Variants in DTNA observed in about 807,000 individuals in gnomAD.
The protein encoded by DTNA is dystrophin-related protein 3.
A neutral mutation model predicts 100.7 loss-of-function variants in DTNA; 43 were observed. That is an observed-to-expected ratio of 0.43 (90% CI 0.33 to 0.55). The LOEUF is 0.55. Among genes scored for constraint, DTNA ranks in the 20% least tolerant of loss-of-function variants. DTNA has a pLI of 0.04. For missense variants in DTNA, 798 were observed against 953.9 expected, an observed-to-expected ratio of 0.84 and a Z score of 2.15; for synonymous variants, 349 against 347.9, an observed-to-expected ratio of 1.00 and a Z score of -0.04.
At chr18:34,662,521 A>C (rs991925554) in intron 1 of DTNA, among the ~76,000 whole-genome samples, 1 of 152,170 alleles carries the variant, frequency 6.6e-6, no homozygotes, top group Admixed American at 6.5e-5. Context: ...CAAAATTGAC[A>C]TGTGAGGGAC....
chr18:34,733,728 A>G (rs2088871783), intron 1 of DTNA, among the ~76,000 whole-genome samples: 1 of 152,188 alleles, frequency 6.6e-6, no homozygotes, highest in South Asian at 2.1e-4. Flanking sequence ...GAGTAGGTCT[A>G]AAGTGACTAA....
At chr18:34,659,803 G>T (rs1012024346) in intron 1 of DTNA, among the ~76,000 whole-genome samples, 1 of 152,208 alleles carries the variant, frequency 6.6e-6, no homozygotes, top group African/African-American at 2.4e-5. Flanking sequence ...ATTTAGTGCT[G>T]TCAGAGCTGC....
intron 5 of DTNA, among the ~76,000 whole-genome samples, chr18:34,809,903 GC>G (rs1310466612): frequency 2.6e-5 from 4 of 152,192 alleles, no homozygotes; most frequent in Non-Finnish European, 5.9e-5. Flanking sequence ...ATTCCAGGGA[GC>G]ATCATTGACA....
At chr18:34,514,920 A>G (rs1488292273) in intron 1 of DTNA, among the ~76,000 whole-genome samples, 1 of 152,074 alleles carries the variant, frequency 6.6e-6, no homozygotes, top group Non-Finnish European at 1.5e-5. Context: ...AGACATTCAG[A>G]CCATAGCAAG....
At chr18:34,556,241 T>C (rs1227051307) in intron 1 of DTNA, among the ~76,000 whole-genome samples, 1 of 151,924 alleles carries the variant, frequency 6.6e-6, no homozygotes, top group Admixed American at 6.6e-5. Flanking sequence ...TCCTCCATCC[T>C]TTTATTTTGA....
At chr18:34,581,836 A>G (rs1332669931) in intron 1 of DTNA, among the ~76,000 whole-genome samples, 1 of 151,854 alleles carries the variant, frequency 6.6e-6, no homozygotes, top group Non-Finnish European at 1.5e-5. Flanking sequence ...GTTGGCCAGG[A>G]TGGTCTTGAT....
intron 11 of DTNA, among the ~76,000 whole-genome samples, chr18:34,836,928 AT>A (rs1324816327): frequency 6.6e-6 from 1 of 152,062 alleles, no homozygotes; most frequent in Non-Finnish European, 1.5e-5. Flanking sequence ...TTATGTATAA[AT>A]TTATATTTTT....
chr18:34,683,834 A>G (rs2078467270), intron 1 of DTNA: 1 of 152,212 alleles, frequency 6.6e-6, no homozygotes, highest in Non-Finnish European at 1.5e-5. Context: ...ATTTTATAAA[A>G]TTATAATTTA....
At chr18:34,758,256 A>G (rs2092913296) in intron 2 of DTNA, among the ~76,000 whole-genome samples, 1 of 152,248 alleles carries the variant, frequency 6.6e-6, no homozygotes. Context: ...GGAGCAAAAA[A>G]GGACTAGACT....
At chr18:34,710,797 G>GT (rs1407168755) in intron 1 of DTNA, among the ~76,000 whole-genome samples, 1 of 151,894 alleles carries the variant, frequency 6.6e-6, no homozygotes, top group Non-Finnish European at 1.5e-5. Flanking sequence ...TTCTTGTTTT[G>GT]TTTTTTGAAA....
At chr18:34,825,881 ATAT>A (rs1347861916) in intron 9 of DTNA, among the ~76,000 whole-genome samples, 2 of 152,212 alleles carry the variant, frequency 1.3e-5, no homozygotes, top group African/African-American at 2.4e-5. Flanking sequence ...TACAATGAAG[ATAT>A]TATACTCTGT....
At chr18:34,495,737 T>C (rs923610574) in intron 1 of DTNA, among the ~76,000 whole-genome samples, 6 of 152,204 alleles carry the variant, frequency 3.9e-5, no homozygotes, top group Non-Finnish European at 8.8e-5. Context: ...CGGTGAAGAC[T>C]GAAATCAAAT....
chr18:34,889,953 C>T lies in DTNA; in HGVS notation c.*2219C>T. The T allele has an allele frequency of 9.2e-7, 1 of 1,082,618 alleles. No individual in the cohort carries two copies. The highest frequency in any genetic ancestry group is 1.1e-6 in the Non-Finnish European group (1 of 890,440). 67.1% of individuals were successfully genotyped at this position (1,082,618 alleles called of 1,614,324 possible). Reference sequence around the variant, plus strand: ...AGATGGAGCAGGTGGCCACTGGTGCCTCATACTCAGTATTGAAAACCACTA... The same window carrying T: ...AGATGGAGCAGGTGGCCACTGGTGCTTCATACTCAGTATTGAAAACCACTA... On this transcript the variant is annotated 3_prime_UTR_variant, in exon 23 of 23. Coordinates refer to ENST00000444659, the MANE Select transcript of DTNA (RefSeq NM_001386795.1).
At chr18:34,818,518 G>A in intron 8 of DTNA, 188 bp downstream of exon 8, 10 of 1,474,330 alleles carry the variant, frequency 6.8e-6, no homozygotes, top group Non-Finnish European at 9.0e-6. Flanking sequence ...GGAACCCAGT[G>A]TAGCTTCCTG....
chr18:34,851,863 C>G lies in DTNA; in HGVS notation c.1467C>G (p.Ile489Met). 1.9e-6 allele frequency: 3 copies of G among 1,614,068 alleles called. No individual in the cohort carries two copies. The South Asian group carries it at 3.3e-5, about 18-fold the overall frequency. The change falls in exon 15 of 23, where the codon ATC becomes ATG. Residue 489 changes from isoleucine to methionine, a missense_variant. By Grantham distance (10) the Ile-to-Met change is conservative. Coordinates refer to ENST00000444659, the MANE Select transcript of DTNA (RefSeq NM_001386795.1). ...QPPQQRSAPD[I>M]SFTIDANKQQ... is the part of the protein sequence containing the mutation. Reference sequence around the variant, plus strand: ...CTCAGCAGAGAAGTGCTCCTGACATCTCTTTCACCATCGATGCGAATAAGC... The same window carrying G: ...CTCAGCAGAGAAGTGCTCCTGACATGTCTTTCACCATCGATGCGAATAAGC...
intron 16 of DTNA, 49 bp downstream of exon 16, chr18:34,858,447 C>G (rs1168808356): frequency 1.3e-6 from 2 of 1,588,674 alleles, no homozygotes; most frequent in Non-Finnish European, 1.7e-6. Context: ...TGTGTCAGAT[C>G]TTTGAGAAAG....
chr18:34,517,477 G>GTGTT (rs2041756613), intron 1 of DTNA, among the ~76,000 whole-genome samples: 2 of 151,870 alleles, frequency 1.3e-5, no homozygotes, highest in African/African-American at 4.8e-5. Flanking sequence ...GTGTGTGTGT[G>GTGTT]TGTGTGTGTG....
At chr18:34,621,861 A>C (rs537642760) in intron 1 of DTNA, among the ~76,000 whole-genome samples, 1 of 152,352 alleles carries the variant, frequency 6.6e-6, no homozygotes. Context: ...GCATATGTTA[A>C]TGAGCCAAAT....
chr18:34,743,790 C>G (rs1018590563), intron 1 of DTNA, among the ~76,000 whole-genome samples: 1 of 152,114 alleles, frequency 6.6e-6, no homozygotes, highest in African/African-American at 2.4e-5. Context: ...CTTTTCCTAT[C>G]CTTCTTGTAC....
Sources: gnomAD v4.1 joint callset for allele counts (sites outside exome capture counted in the v4.1 genomes callset) on GRCh38, gnomAD v4.1.1 for gene constraint, MANE v1.5 for transcripts, NCBI Gene and HGNC (gene_info 2026-07-23, HGNC 2026-07-21) for gene names.